The following MED12L variants were observed in gnomAD, a reference collection of about 807,000 sequenced individuals.
The protein encoded by MED12L is mediator of RNA polymerase II transcription subunit 12-like protein.
Under a neutral mutation model 281.3 loss-of-function variants are expected in MED12L, and 60 were observed. The observed-to-expected ratio is 0.21, with a 90% CI of 0.17 to 0.26. The LOEUF (loss-of-function observed/expected upper bound fraction) is 0.26. MED12L is among the 10% of genes least tolerant of loss of function. MED12L has a pLI of 1.00. For synonymous variants in MED12L, 974 were observed against 987.2 expected, an observed-to-expected ratio of 0.99 and a Z score of 0.25; for missense variants, 2,146 against 2,680.9, an observed-to-expected ratio of 0.80 and a Z score of 4.41.
intron 16 of MED12L, among the ~76,000 whole-genome samples, chr3:151,219,094 A>G (rs767569856): frequency 1.1e-4 from 16 of 152,184 alleles, no homozygotes; most frequent in Non-Finnish European, 2.1e-4. Flanking sequence ...AAAGACAGTT[A>G]TTAAAGTGTA....
chr3:151,087,263 G>C (rs1314853820), intron 2 of MED12L, among the ~76,000 whole-genome samples: 1 of 152,190 alleles, frequency 6.6e-6, no homozygotes, highest in African/African-American at 2.4e-5. Flanking sequence ...CTTTCCCGTT[G>C]CCGGGCCTTG....
chr3:151,365,569 G>T (rs1434350676), intron 22 of MED12L, among the ~76,000 whole-genome samples: 1 of 152,156 alleles, frequency 6.6e-6, no homozygotes, highest in Non-Finnish European at 1.5e-5. Flanking sequence ...CCTTAAAAAT[G>T]TAAATCGTAG....
chr3:151,263,771 C>A (rs932887338), intron 16 of MED12L, among the ~76,000 whole-genome samples: 2 of 150,696 alleles, frequency 1.3e-5, no homozygotes, highest in East Asian at 1.9e-4. Context: ...CCACCCCCCC[C>A]ACTTATCAGC....
At chr3:151,227,361 G>T (rs1339987489) in intron 16 of MED12L, among the ~76,000 whole-genome samples, 1 of 152,122 alleles carries the variant, frequency 6.6e-6, no homozygotes, top group Non-Finnish European at 1.5e-5. Flanking sequence ...AAAGATAAAA[G>T]AAATCTGAAT....
chr3:151,237,232 G>T (rs971430929), intron 16 of MED12L, among the ~76,000 whole-genome samples: 7 of 150,528 alleles, frequency 4.7e-5, no homozygotes, highest in Admixed American at 2.6e-4. Flanking sequence ...TAGAGACGGG[G>T]TTTCACTGTG....
intron 16 of MED12L, among the ~76,000 whole-genome samples, chr3:151,299,577 C>T (rs1745625418): frequency 6.6e-6 from 1 of 151,352 alleles, no homozygotes; most frequent in Non-Finnish European, 1.5e-5. Flanking sequence ...CTGCTGGGTT[C>T]AAGCGATTCC....
At chr3:151,162,455 C>A (rs1720120682) in intron 8 of MED12L, among the ~76,000 whole-genome samples, 1 of 151,868 alleles carries the variant, frequency 6.6e-6, no homozygotes, top group Non-Finnish European at 1.5e-5. Flanking sequence ...TGCTCTGTTG[C>A]CCATGCTGGA....
chr3:151,426,324 C>T (rs531016659), intron 43 of MED12L, among the ~76,000 whole-genome samples: 112 of 152,292 alleles, frequency 7.4e-4, no homozygotes, highest in African/African-American at 2.6e-3. Flanking sequence ...CAGCCACATA[C>T]AGGGTTCAGT....
At chr3:151,297,953 G>C (rs1230089289) in intron 16 of MED12L, among the ~76,000 whole-genome samples, 1 of 152,028 alleles carries the variant, frequency 6.6e-6, no homozygotes, top group African/African-American at 2.4e-5. Flanking sequence ...AAACAAATTA[G>C]TGGTTAAAGC....
At chr3:151,206,706 G>A (rs1248011585) in intron 16 of MED12L, among the ~76,000 whole-genome samples, 1 of 121,222 alleles carries the variant, frequency 8.2e-6, no homozygotes, top group Non-Finnish European at 1.6e-5. Flanking sequence ...GTGCAGTGGT[G>A]CAATCTCAGC....
chr3:151,264,936 T>G (rs949470602), intron 16 of MED12L, among the ~76,000 whole-genome samples: 1 of 148,972 alleles, frequency 6.7e-6, no homozygotes, highest in Non-Finnish European at 1.5e-5. Flanking sequence ...TTCTTGCTCT[T>G]GCTCCTCCAC....
chr3:151,369,397 G>C (rs1560089237), intron 25 of MED12L, 39 bp from the exon 26 acceptor site: 1 of 1,323,908 alleles, frequency 7.6e-7, no homozygotes, highest in African/African-American at 1.5e-5. Context: ...CATTACTAAT[G>C]ATGGTAATGA....
intron 11 of MED12L, among the ~76,000 whole-genome samples, chr3:151,184,596 G>A (rs1004253396): frequency 5.3e-5 from 8 of 152,080 alleles, no homozygotes; most frequent in African/African-American, 1.2e-4. Flanking sequence ...ACCCCTATCC[G>A]CGACTCATGT....
At chr3:151,130,066 A>G (rs953908388) in intron 5 of MED12L, among the ~76,000 whole-genome samples, 2 of 151,772 alleles carry the variant, frequency 1.3e-5, no homozygotes, top group Admixed American at 6.6e-5. Context: ...CTGCCCAACC[A>G]GTCTCCATTG....
intron 39 of MED12L, among the ~76,000 whole-genome samples, chr3:151,407,306 A>G (rs766829889): frequency 1.3e-5 from 2 of 152,246 alleles, no homozygotes; most frequent in Non-Finnish European, 2.9e-5. Context: ...CAGCTGTCAC[A>G]TGCAGATCGC....
chr3:151,261,394 T>A (rs1407309093), intron 16 of MED12L: 1 of 152,104 alleles, frequency 6.6e-6, no homozygotes, highest in Non-Finnish European at 1.5e-5. Context: ...TACCTGGAAT[T>A]GTGGAGGGTA....
chr3:151,275,350 C>G (rs1280436415), intron 16 of MED12L, among the ~76,000 whole-genome samples: 1 of 152,014 alleles, frequency 6.6e-6, no homozygotes, highest in Non-Finnish European at 1.5e-5. Flanking sequence ...AAGCCAGCAC[C>G]CGTCCCTGGC....
intron 4 of MED12L, among the ~76,000 whole-genome samples, chr3:151,126,705 C>T (rs747468256): frequency 6.6e-5 from 10 of 152,150 alleles, no homozygotes; most frequent in South Asian, 6.2e-4. Flanking sequence ...TGTTCAGGAT[C>T]CTCTAAGAAA....
intron 44 of MED12L, among the ~76,000 whole-genome samples, chr3:151,431,416 C>T (rs975444712): frequency 6.6e-5 from 10 of 152,098 alleles, no homozygotes; most frequent in African/African-American, 2.4e-4. Context: ...GAGGGATATC[C>T]CTCTTACACC....
Sources: gnomAD v4.1 joint callset for allele counts (sites outside exome capture counted in the v4.1 genomes callset) on GRCh38, gnomAD v4.1.1 for gene constraint, MANE v1.5 for transcripts, NCBI Gene and HGNC (gene_info 2026-07-23, HGNC 2026-07-21) for gene names.